The following TFEB variants were observed in gnomAD, a reference collection of about 807,000 sequenced individuals.
The protein encoded by TFEB is T-cell transcription factor EB.
A neutral mutation model predicts 48.0 loss-of-function variants in TFEB; 12 were observed. The ratio of observed to expected loss-of-function variants is 0.25; its 90% CI spans 0.16 to 0.40. The LOEUF is 0.40. Among genes scored for constraint, TFEB ranks in the 10% least tolerant of loss-of-function variants. The probability of loss-of-function intolerance (pLI) is 1.00; values close to 1 mark genes in which losing one functional copy is unlikely to be tolerated. For synonymous variants in TFEB, 244 were observed against 261.4 expected (o/e 0.93, Z 0.64); for missense variants, 509 against 640.3 (o/e 0.79, Z 2.21).
At chr6:41,732,881 A>C in intron 1 of TFEB, 1 of 985,694 alleles carries the variant, frequency 1.0e-6, no homozygotes, top group Non-Finnish European at 1.2e-6. Context: ...GCCAGGCCCC[A>C]AGTGCTGACT....
At chr6:41,728,562 G>A (rs934296228) in intron 1 of TFEB, among the ~76,000 whole-genome samples, 4 of 152,174 alleles carry the variant, frequency 2.6e-5, no homozygotes, top group African/African-American at 7.2e-5. Context: ...GGGGGGCCGC[G>A]GCAGGTGCTG....
intron 7 of TFEB, 156 bp downstream of exon 7, chr6:41,686,938 T>A: frequency 2.9e-6 from 2 of 689,966 alleles, no homozygotes; most frequent in Non-Finnish European, 5.1e-6. Flanking sequence ...GATTCTTTCC[T>A]GATTTGGGAG....
At chr6:41,695,586 T>C (rs1320031235) in intron 1 of TFEB, among the ~76,000 whole-genome samples, 1 of 152,062 alleles carries the variant, frequency 6.6e-6, no homozygotes, top group East Asian at 1.9e-4. Flanking sequence ...AGTAGCAGAA[T>C]GGAGATTTGA....
At chr6:41,711,879 C>T (rs1322167993) in intron 1 of TFEB, among the ~76,000 whole-genome samples, 1 of 152,212 alleles carries the variant, frequency 6.6e-6, no homozygotes, top group Non-Finnish European at 1.5e-5. Context: ...TTGGCAGGCT[C>T]ACCCAGCTCA....
rs768023647 is a variant in TFEB, at chr6:41,723,475, C to T, written c.-23+11875G>A. On this transcript the variant is annotated intron_variant, in intron 1 of 8. Transcript: ENST00000373033. The surrounding 1 kb of genome is among the most constrained non-coding windows in gnomAD (Gnocchi z 6.0). ...TGCTCTCATACCTTCGAGAGGGCAGCCCCCTGGAAGGAGGCCCCTGGAATG... is the reference window on the plus strand; with the variant it reads ...TGCTCTCATACCTTCGAGAGGGCAGTCCCCTGGAAGGAGGCCCCTGGAATG... 103 of 1,289,214 alleles carry T rather than the reference C, an allele frequency of 8.0e-5. No individual in the cohort carries two copies. Among genetic ancestry groups the T allele is most frequent in the Middle Eastern group, 2.2e-4 (1 of 4,636 alleles). 79.9% of individuals were successfully genotyped at this position (1,289,214 alleles called of 1,614,324 possible).
At chr6:41,716,394 G>T (rs1266892432) in intron 1 of TFEB, among the ~76,000 whole-genome samples, 1 of 151,692 alleles carries the variant, frequency 6.6e-6, no homozygotes, top group Non-Finnish European at 1.5e-5. Flanking sequence ...AGGCCAACTG[G>T]ACCCCTGAGG....
chr6:41,718,669 AT>A (rs1356706416), intron 1 of TFEB, among the ~76,000 whole-genome samples: 1 of 140,712 alleles, frequency 7.1e-6, no homozygotes, highest in African/African-American at 2.7e-5. Flanking sequence ...CCCAACCCCT[AT>A]TTTTCTTTTT....
intron 1 of TFEB, among the ~76,000 whole-genome samples, chr6:41,718,383 A>AT (rs140280966): frequency 0.065 from 9,853 of 151,544 alleles, 424 homozygotes; most frequent in Non-Finnish European, 0.094. Flanking sequence ...TAATTTTTGT[A>AT]TTTTTTTGTT....
chr6:41,688,044 T>C lies in TFEB; in HGVS notation c.550-16A>G, dbSNP rs1161280443. On this transcript the variant is annotated splice_polypyrimidine_tract_variant and intron_variant, in intron 4 of 8. Transcript: ENST00000373033. The stretch of plus-strand genomic sequence containing the variant: ...ACAGGGGTAGCTGTGGGGTAGGGGG[T>C]GAGGGAGACCCATGAGTATCCCCCT... The C allele has an allele frequency of 1.2e-6, 2 of 1,602,088 alleles. No homozygotes were observed. Among genetic ancestry groups the C allele is most frequent in the Admixed American group, 3.4e-5 (2 of 59,654 alleles).
chr6:41,727,807 G>A (rs562785930), intron 1 of TFEB, among the ~76,000 whole-genome samples: 150 of 152,304 alleles, frequency 9.8e-4, no homozygotes, highest in Non-Finnish European at 1.6e-3. Context: ...CTGAGCTGTC[G>A]GCCCTGATCC....
chr6:41,729,922 T>C (rs1771381858), intron 1 of TFEB, among the ~76,000 whole-genome samples: 1 of 152,190 alleles, frequency 6.6e-6, no homozygotes. Context: ...AGGCAGTGGT[T>C]TTCCAGGTGT....
intron 1 of TFEB, among the ~76,000 whole-genome samples, chr6:41,704,523 T>C (rs1186769054): frequency 2.0e-5 from 3 of 152,242 alleles, no homozygotes; most frequent in Non-Finnish European, 4.4e-5. Context: ...GGCTGGACAG[T>C]GAGGGCCTTA....
intron 1 of TFEB, chr6:41,733,458 G>T: frequency 3.9e-6 from 1 of 253,246 alleles, no homozygotes; most frequent in Non-Finnish European, 6.2e-6. Flanking sequence ...CCCTGCAGCT[G>T]TAACAAGCCT....
At chr6:41,729,640 C>T (rs1771369003) in intron 1 of TFEB, among the ~76,000 whole-genome samples, 1 of 152,236 alleles carries the variant, frequency 6.6e-6, no homozygotes, top group African/African-American at 2.4e-5. Context: ...ATCCTGCCTT[C>T]ATCAACCAGT....
intron 1 of TFEB, among the ~76,000 whole-genome samples, chr6:41,704,412 G>C (rs763232081): frequency 1.3e-5 from 2 of 152,252 alleles, no homozygotes; most frequent in Non-Finnish European, 2.9e-5. Flanking sequence ...CTTCCTCAGA[G>C]TCAGTGAGGG....
At position 41,691,686 on chromosome 6, in the gene TFEB, T is replaced by G. The variant is rs1192896778; in HGVS notation, c.-22-451A>C. ...TGCCCTAGGACGTTCTACTGGCAAC[T>G]CAGTAGAGCAACTCATTTAACTCCT... On this transcript the variant is annotated intron_variant, in intron 1 of 8. Coordinates refer to ENST00000373033, the MANE Select transcript of TFEB (RefSeq NM_001271944.2). The surrounding 1 kb of genome is among the most constrained non-coding windows in gnomAD (Gnocchi z 5.2). Among the ~76,000 whole-genome samples, 1 of 152,142 alleles carries G rather than the reference T, an allele frequency of 6.6e-6. No homozygotes were observed. Among genetic ancestry groups the G allele is most frequent in the African/African-American group, 2.4e-5 (1 of 41,426 alleles).
chr6:41,692,481 G>C (rs1339225094), intron 1 of TFEB, among the ~76,000 whole-genome samples: 3 of 152,216 alleles, frequency 2.0e-5, no homozygotes, highest in Non-Finnish European at 4.4e-5. Context: ...AGAGCCCAGA[G>C]AGGACTTCCC....
intron 1 of TFEB, among the ~76,000 whole-genome samples, chr6:41,704,249 C>T (rs914658822): frequency 9.9e-5 from 15 of 152,220 alleles, no homozygotes; most frequent in Non-Finnish European, 2.2e-4. Flanking sequence ...GGAAGACAGC[C>T]GGGCTTAGTG....
At chr6:41,726,604 A>C (rs11966423) in intron 1 of TFEB, among the ~76,000 whole-genome samples, 6,600 of 152,082 alleles carry the variant, frequency 0.043, 460 homozygotes, top group African/African-American at 0.15. Context: ...CAACACCTGG[A>C]TAATTTTTGT....
Sources: gnomAD v4.1 joint callset for allele counts (sites outside exome capture counted in the v4.1 genomes callset) on GRCh38, gnomAD v4.1.1 for gene constraint, Gnocchi (gnomAD v3.1) non-coding constraint, MANE v1.5 for transcripts, NCBI Gene and HGNC (gene_info 2026-07-23, HGNC 2026-07-21) for gene names.